The following PFDN1 variants were observed in gnomAD, a reference collection of about 807,000 sequenced individuals.
The protein encoded by PFDN1 is prefoldin subunit 1.
PFDN1 carries 6 observed loss-of-function variants against 17.3 expected under a neutral mutation model. That is an observed-to-expected ratio of 0.35 (90% CI 0.19 to 0.69). The LOEUF is 0.69. PFDN1 is among the 30% of genes least tolerant of loss of function. PFDN1 has a pLI of 0.65. For missense variants in PFDN1, 113 were observed against 146.2 expected, an observed-to-expected ratio of 0.77 and a Z score of 1.17; for synonymous variants, 58 against 50.1, an observed-to-expected ratio of 1.16 and a Z score of -0.67.
At chr5:140,299,456 C>T (rs771807949) in intron 2 of PFDN1, among the ~76,000 whole-genome samples, 8 of 151,554 alleles carry the variant, frequency 5.3e-5, no homozygotes, top group East Asian at 2.0e-4. Context: ...AAAAATTAGC[C>T]GGGCATGGTA....
intron 3 of PFDN1, among the ~76,000 whole-genome samples, chr5:140,267,893 C>T (rs778056968): frequency 4.6e-5 from 7 of 152,154 alleles, no homozygotes; most frequent in Admixed American, 1.3e-4. Context: ...AAACTGATAA[C>T]GTTTCCTGAC....
chr5:140,275,982 C>T (rs956927552), intron 3 of PFDN1, among the ~76,000 whole-genome samples: 3 of 151,854 alleles, frequency 2.0e-5, no homozygotes, highest in Admixed American at 6.6e-5. Context: ...ATTGTGCCTC[C>T]CCAACTTAAT....
chr5:140,245,696 T>C lies in PFDN1; in HGVS notation c.*278A>G. The C allele has an allele frequency of 1.6e-6, 1 of 624,660 alleles. No individual in the cohort carries two copies. Among genetic ancestry groups the C allele is most frequent in the Non-Finnish European group, 2.8e-6 (1 of 351,204 alleles). The allele number at this position is 624,660 out of a possible 1,614,324, so 38.7% of individuals were successfully genotyped here. A position where few individuals can be genotyped will look rare whatever the true frequency, so the allele number is the denominator to read the frequency against. The stretch of plus-strand genomic sequence containing the variant: ...GCCTAGTGGAAAGCTCAGGCAGAGC[T>C]TCCTATCTTGCCCTGGCTCCCATCT... On this transcript the variant is annotated 3_prime_UTR_variant, in exon 4 of 4. Coordinates refer to ENST00000261813, the MANE Select transcript of PFDN1 (RefSeq NM_002622.5).
At chr5:140,265,439 C>T (rs764776022) in intron 3 of PFDN1, among the ~76,000 whole-genome samples, 9 of 152,120 alleles carry the variant, frequency 5.9e-5, no homozygotes, top group Non-Finnish European at 1.2e-4. Flanking sequence ...TGACTTGAAA[C>T]GCCATCTATA....
intron 3 of PFDN1, among the ~76,000 whole-genome samples, chr5:140,251,660 C>CA (rs1317142655): frequency 1.3e-5 from 2 of 152,212 alleles, no homozygotes; most frequent in Non-Finnish European, 2.9e-5. Flanking sequence ...CATCAAACCA[C>CA]AAAGCTCTGG....
At chr5:140,299,654 T>C (rs1265513443) in intron 2 of PFDN1, among the ~76,000 whole-genome samples, 1 of 151,882 alleles carries the variant, frequency 6.6e-6, no homozygotes, top group Non-Finnish European at 1.5e-5. Context: ...TTAATCTACC[T>C]GAAGTTCAGC....
At chr5:140,289,399 A>G (rs1240141033) in intron 2 of PFDN1, among the ~76,000 whole-genome samples, 2 of 152,246 alleles carry the variant, frequency 1.3e-5, no homozygotes, top group African/African-American at 2.4e-5. Flanking sequence ...TCATACCTAG[A>G]CAAAAGCAAT....
intron 2 of PFDN1, among the ~76,000 whole-genome samples, chr5:140,296,461 G>A (rs557841894): frequency 1.6e-4 from 25 of 152,240 alleles, no homozygotes; most frequent in African/African-American, 6.0e-4. Flanking sequence ...CTAGCTGTAG[G>A]AACAAAAGCC....
intron 2 of PFDN1, among the ~76,000 whole-genome samples, chr5:140,288,120 G>T (rs1765525269): frequency 6.6e-6 from 1 of 152,204 alleles, no homozygotes; most frequent in Admixed American, 6.5e-5. Flanking sequence ...AATGTTTACA[G>T]CTGCTTCATT....
At chr5:140,284,253 G>A (rs1205476192) in intron 2 of PFDN1, among the ~76,000 whole-genome samples, 2 of 152,126 alleles carry the variant, frequency 1.3e-5, no homozygotes, top group Non-Finnish European at 2.9e-5. Flanking sequence ...ACAAACCTAA[G>A]GACATCTCAG....
intron 2 of PFDN1, among the ~76,000 whole-genome samples, chr5:140,286,595 T>TGCGGAGGG (rs1765495079): frequency 4.5e-4 from 2 of 4,474 alleles, no homozygotes; most frequent in African/African-American, 1.2e-3. Context: ...CAATTTTTTT[T>TGCGGAGGG]GCGGGGGGGG....
At chr5:140,271,089 A>G (rs1290030049) in intron 3 of PFDN1, among the ~76,000 whole-genome samples, 1 of 152,212 alleles carries the variant, frequency 6.6e-6, no homozygotes, top group Non-Finnish European at 1.5e-5. Context: ...GACAATATTA[A>G]TAAGAAAAAA....
At chr5:140,275,365 C>T (rs1278235539) in intron 3 of PFDN1, among the ~76,000 whole-genome samples, 1 of 149,526 alleles carries the variant, frequency 6.7e-6, no homozygotes, top group Non-Finnish European at 1.5e-5. Flanking sequence ...GCCGAGATTG[C>T]GCCACTGCAC....
chr5:140,274,876 C>T (rs1765265985), intron 3 of PFDN1, among the ~76,000 whole-genome samples: 1 of 151,700 alleles, frequency 6.6e-6, no homozygotes, highest in Admixed American at 6.6e-5. Flanking sequence ...ACCTGTAATC[C>T]CAGCTACTTG....
intron 2 of PFDN1, among the ~76,000 whole-genome samples, chr5:140,285,803 T>C (rs1381201952): frequency 6.6e-6 from 1 of 152,036 alleles, no homozygotes; most frequent in East Asian, 1.9e-4. Flanking sequence ...AGACCTTAAG[T>C]ATCCACACTG....
intron 3 of PFDN1, among the ~76,000 whole-genome samples, chr5:140,262,966 T>TA: frequency 6.6e-6 from 1 of 152,344 alleles, no homozygotes; most frequent in Middle Eastern, 3.4e-3. Flanking sequence ...AAACAGCTGA[T>TA]AAGCATCCAC....
chr5:140,251,897 G>C lies in PFDN1; in HGVS notation c.286-5840C>G, dbSNP rs550403468. 9.9e-5 allele frequency among the ~76,000 whole-genome samples: 15 copies of C among 152,226 alleles called. No homozygotes were observed. In the East Asian group the frequency reaches 1.2e-3, roughly 12 times the overall value. On this transcript the variant is annotated intron_variant, in intron 3 of 3. Transcript: ENST00000261813. ...CTGACATGACACAATCTCTCAAATA[G>C]ACTCCTGAGGTAATACATCTTGTGA...
chr5:140,263,347 G>A (rs902274431), intron 3 of PFDN1, among the ~76,000 whole-genome samples: 1 of 152,022 alleles, frequency 6.6e-6, no homozygotes, highest in South Asian at 2.1e-4. Flanking sequence ...CCTAAATCTG[G>A]ATCAATATTA....
intron 2 of PFDN1, among the ~76,000 whole-genome samples, chr5:140,295,412 T>C (rs781330236): frequency 6.6e-6 from 1 of 152,164 alleles, no homozygotes; most frequent in South Asian, 2.1e-4. Context: ...GATTTGTCTA[T>C]TCCCTCCTTG....
Sources: allele counts gnomAD v4.1 joint callset (sites outside exome capture counted in the v4.1 genomes callset), GRCh38; gene constraint gnomAD v4.1.1; transcripts MANE v1.5; gene names NCBI Gene and HGNC (gene_info 2026-07-23, HGNC 2026-07-21).